Variants in SPI1 observed in about 807,000 individuals in gnomAD.
SPI1 encodes Spi-1 proto-oncogene.
A neutral mutation model predicts 30.7 loss-of-function variants in SPI1; 3 were observed. The observed-to-expected ratio is 0.10, with a 90% confidence interval of 0.04 to 0.25. The LOEUF (loss-of-function observed/expected upper bound fraction) is 0.25. Ranked by LOEUF, SPI1 falls within the 10% of genes least tolerant of loss-of-function variation. The probability of loss-of-function intolerance (pLI) is 1.00; values close to 1 mark genes in which losing one functional copy is unlikely to be tolerated. For synonymous variants in SPI1, 169 were observed against 157.1 expected, an observed-to-expected ratio of 1.08 and a Z score of -0.56; for missense variants, 261 against 371.5, an observed-to-expected ratio of 0.70 and a Z score of 2.45.
rs2095922951 is a variant in SPI1 at position 47,362,845 on chromosome 11, A to AT, written c.143-2806dup. ...CACCTCAGCCTCCCAAAGTGCTGGG[A>AT]TTACAGGCTTGAGCCACTGCGCCCA... On this transcript the variant is annotated intron_variant, in intron 2 of 4. Transcript: ENST00000378538. 2.0e-5 allele frequency among the ~76,000 whole-genome samples: 3 copies of AT among 151,740 alleles called. No homozygotes were observed. In the South Asian group the frequency reaches 6.3e-4, roughly 32 times the overall value.
rs1039053409 is a variant in SPI1, at chr11:47,357,449, CCACT to C, written c.493+1391_493+1394del. On this transcript the variant is annotated intron_variant, in intron 4 of 4. Coordinates refer to ENST00000378538, the MANE Select transcript of SPI1 (RefSeq NM_003120.3). ...TGCTTACACGCCTGTTCACACACAA[CCACT>C]CAGACACCTACTTGCACACTCAAAT... Among the ~76,000 whole-genome samples, 13 of 152,198 alleles carry C rather than the reference CCACT, an allele frequency of 8.5e-5. No individual in the cohort carries two copies. The East Asian group carries it at 9.7e-4, about 11-fold the overall frequency.
rs552568522 is a variant in SPI1, at chr11:47,357,845, G to A, written c.493+999C>T. Among the ~76,000 whole-genome samples, 241 of 151,896 alleles carry A rather than the reference G, an allele frequency of 1.6e-3. 1 individual carries two copies. Among genetic ancestry groups the A allele is most frequent in the African/African-American group, 5.6e-3 (230 of 41,386 alleles). On this transcript the variant is annotated intron_variant, in intron 4 of 4. Transcript: ENST00000378538. ...CCTCCCAAAGTGCTGGGATACAGGC[G>A]TGAGCCACCACGCCCGGCCCACTCA...
At chr11:47,357,385 C>T (rs559183332) in intron 4 of SPI1, among the ~76,000 whole-genome samples, 16 of 152,346 alleles carry the variant, frequency 1.1e-4, no homozygotes, top group East Asian at 3.9e-4. Flanking sequence ...CACCTGCTCA[C>T]GCATGCACAT....
rs1192035261 is a variant in SPI1, at chr11:47,375,904, C to T, written c.46-175G>A. ...AGAGTGGGGCAGGGGACCCAGAAGGCCTGAAAAGGGGTGACAGGGACCTTG... is the reference window on the plus strand; with the variant it reads ...AGAGTGGGGCAGGGGACCCAGAAGGTCTGAAAAGGGGTGACAGGGACCTTG... On this transcript the variant is annotated intron_variant, in intron 1 of 4. Transcript: ENST00000378538. This position sits in a 1 kb window ranked among gnomAD's most constrained non-coding sequence, Gnocchi z 4.2. Among the ~76,000 whole-genome samples, 1 of 152,050 alleles carries T rather than the reference C, an allele frequency of 6.6e-6. No homozygotes were observed. Among genetic ancestry groups the T allele is most frequent in the Non-Finnish European group, 1.5e-5 (1 of 67,994 alleles).
At chr11:47,366,631 G>A (rs891337079) in intron 2 of SPI1, among the ~76,000 whole-genome samples, 2 of 151,846 alleles carry the variant, frequency 1.3e-5, no homozygotes, top group Admixed American at 6.6e-5. Flanking sequence ...CAGCCTGGCC[G>A]ACATGTTGAA....
chr11:47,372,583 G>A (rs1022405575), intron 2 of SPI1, among the ~76,000 whole-genome samples: 15 of 152,160 alleles, frequency 9.9e-5, no homozygotes, highest in African/African-American at 3.6e-4. Context: ...GAGTAGGTGG[G>A]TGGATGGGAG....
Position 47,374,545 on chromosome 11 carries a change from G to A in SPI1, c.142+1088C>T, listed in dbSNP as rs1829660452. The stretch of plus-strand genomic sequence containing the variant: ...AATGGAGCTACAGGCATGACTGGCC[G>A]CAGGGGTGGCCTTCAGGAGTGACAC... On this transcript the variant is annotated intron_variant, in intron 2 of 4. Transcript: ENST00000378538. This position sits in a 1 kb window ranked among gnomAD's most constrained non-coding sequence, Gnocchi z 4.5. Among the ~76,000 whole-genome samples the A allele has an allele frequency of 2.0e-5, 3 of 152,196 alleles. No homozygotes were observed. The highest frequency in any genetic ancestry group is 7.2e-5 in the African/African-American group (3 of 41,446).
rs535942661 is a variant in SPI1, at chr11:47,356,567, CCTG to C, written c.494-1024_494-1022del. Among the ~76,000 whole-genome samples, 74 of 151,814 alleles carry C rather than the reference CCTG, an allele frequency of 4.9e-4. 1 individual carries two copies. The South Asian group carries it at 0.013, about 27-fold the overall frequency. ...AGGTTCACACACTCATGTTCACACA[CCTG>C]CTCATACACCTCACACCAGGTCTCA... is the stretch of plus-strand genomic sequence containing the variant. On this transcript the variant is annotated intron_variant, in intron 4 of 4. Transcript: ENST00000378538.
intron 2 of SPI1, among the ~76,000 whole-genome samples, chr11:47,369,807 A>G (rs772229381): frequency 6.6e-6 from 1 of 152,198 alleles, no homozygotes; most frequent in Non-Finnish European, 1.5e-5. Context: ...AAATAAAACC[A>G]TCACCACCAC....
In SPI1 at chr11:47,359,686, G is replaced by GGTCACTT. The variant is rs1407005869; in HGVS notation, c.330+160_330+166dup. Among the ~76,000 whole-genome samples the GGTCACTT allele has an allele frequency of 1.3e-5, 2 of 152,040 alleles. No individual in the cohort carries two copies. The highest frequency in any genetic ancestry group is 4.8e-5 in the African/African-American group (2 of 41,380). On this transcript the variant is annotated intron_variant, in intron 3 of 4. Coordinates refer to ENST00000378538, the MANE Select transcript of SPI1 (RefSeq NM_003120.3). This position sits in a 1 kb window ranked among gnomAD's most constrained non-coding sequence, Gnocchi z 5.1. ...TGAGATAAGGGGTGTGGGGTCATGA[G>GGTCACTT]GTCACTTGGGGGGTCAGGCGGCAGC...
rs1383159511 is a variant in SPI1, at chr11:47,359,713, G to A, written c.330+140C>T. The A allele has an allele frequency of 8.8e-6, 8 of 911,362 alleles. No individual in the cohort carries two copies. Among genetic ancestry groups the A allele is most frequent in the East Asian group, 2.6e-5 (1 of 38,962 alleles). The allele number at this position is 911,362 out of a possible 1,614,324, so 56.5% of individuals were successfully genotyped here. ...TCACTTGGGGGGTCAGGCGGCAGCCGTTGGAGCTCCAGCCGCCGTTGGCAC... is the reference window on the plus strand; with the variant it reads ...TCACTTGGGGGGTCAGGCGGCAGCCATTGGAGCTCCAGCCGCCGTTGGCAC... On this transcript the variant is annotated intron_variant, in intron 3 of 4. Transcript: ENST00000378538. The surrounding 1 kb of genome is among the most constrained non-coding windows in gnomAD (Gnocchi z 5.1).
chr11:47,368,091 C>G (rs948802172), intron 2 of SPI1, among the ~76,000 whole-genome samples: 1 of 152,092 alleles, frequency 6.6e-6, no homozygotes, highest in Non-Finnish European at 1.5e-5. Flanking sequence ...ATAGGCCGGG[C>G]GCAGTGGCTC....
At chr11:47,357,313 C>G (rs1565636518) in intron 4 of SPI1, among the ~76,000 whole-genome samples, 1 of 150,818 alleles carries the variant, frequency 6.6e-6, no homozygotes. Flanking sequence ...CTCACACCAG[C>G]TCTTTCACAC....
intron 2 of SPI1, among the ~76,000 whole-genome samples, chr11:47,369,766 G>T (rs2095933214): frequency 6.6e-6 from 1 of 152,116 alleles, no homozygotes; most frequent in Non-Finnish European, 1.5e-5. Context: ...TTAAGTGACA[G>T]CATAGAATAA....
At chr11:47,362,359 C>T (rs2095922010) in intron 2 of SPI1, among the ~76,000 whole-genome samples, 2 of 152,020 alleles carry the variant, frequency 1.3e-5, no homozygotes, top group Non-Finnish European at 2.9e-5. Context: ...CACTTCAGCC[C>T]AGGAGTTTGA....
rs1048500612 is a variant in SPI1 at position 47,375,072 on chromosome 11, C to T, written c.142+561G>A. On this transcript the variant is annotated intron_variant, in intron 2 of 4. Coordinates refer to ENST00000378538, the MANE Select transcript of SPI1 (RefSeq NM_003120.3). This position sits in a 1 kb window ranked among gnomAD's most constrained non-coding sequence, Gnocchi z 4.2. ...GGCCCTGGCATGTGGTAGGTAGAAGCAAGGATGCCACTAAGCTTCCTACGG... is the reference window on the plus strand; with the variant it reads ...GGCCCTGGCATGTGGTAGGTAGAAGTAAGGATGCCACTAAGCTTCCTACGG... Among the ~76,000 whole-genome samples the T allele has an allele frequency of 3.3e-5, 5 of 152,214 alleles. No individual in the cohort carries two copies. Among genetic ancestry groups the T allele is most frequent in the Admixed American group, 3.3e-4 (5 of 15,286 alleles).
intron 2 of SPI1, among the ~76,000 whole-genome samples, chr11:47,371,751 C>A (rs1453915353): frequency 2.0e-5 from 3 of 152,010 alleles, no homozygotes; most frequent in Non-Finnish European, 4.4e-5. Context: ...ATGGTCATGT[C>A]ATTTCCCTGC....
At chr11:47,376,489 T>C (rs2095942465) in intron 1 of SPI1, among the ~76,000 whole-genome samples, 1 of 152,020 alleles carries the variant, frequency 6.6e-6, no homozygotes, top group African/African-American at 2.4e-5. Flanking sequence ...GCCGAGCGCA[T>C]GGAGGGCCTT....
rs912802412 is a variant in SPI1 at position 47,374,067 on chromosome 11, T to G, written c.142+1566A>C. On this transcript the variant is annotated intron_variant, in intron 2 of 4. Coordinates refer to ENST00000378538, the MANE Select transcript of SPI1 (RefSeq NM_003120.3). This position sits in a 1 kb window ranked among gnomAD's most constrained non-coding sequence, Gnocchi z 4.5. ...CTTGTTGGAGGAGGCCTGACAGCAC[T>G]GTCTGTGGTGACCCGAGCCACCAGG... Among the ~76,000 whole-genome samples, 7 of 152,202 alleles carry G rather than the reference T, an allele frequency of 4.6e-5. No homozygotes were observed. The highest frequency in any genetic ancestry group is 2.6e-4 in the Admixed American group (4 of 15,276).
Sources: allele counts gnomAD v4.1 joint callset (sites outside exome capture counted in the v4.1 genomes callset), GRCh38; gene constraint gnomAD v4.1.1; non-coding constraint Gnocchi (gnomAD v3.1); transcripts MANE v1.5; gene names NCBI Gene and HGNC (gene_info 2026-07-23, HGNC 2026-07-21).